The following TBC1D1 variants were observed in gnomAD, a reference collection of about 807,000 sequenced individuals.
The protein encoded by TBC1D1 is TBC1 domain family member 1, also known as TBC1 (tre-2/USP6, BUB2, cdc16) domain family, member 1.
Under a neutral mutation model 125.6 loss-of-function variants are expected in TBC1D1, and 89 were observed. The ratio of observed to expected loss-of-function variants is 0.71; its 90% CI spans 0.60 to 0.85. TBC1D1 has a LOEUF of 0.85. Among genes scored for constraint, TBC1D1 ranks in the 40% least tolerant of loss-of-function variants. The probability of loss-of-function intolerance (pLI) is 0.00; values close to 1 mark genes in which losing one functional copy is unlikely to be tolerated. For synonymous variants in TBC1D1, 565 were observed against 564.1 expected (o/e 1.00, Z -0.02); for missense variants, 1,377 against 1,469.2 (o/e 0.94, Z 1.03).
At chr4:37,903,490 C>T (rs1438768991) in intron 2 of TBC1D1, among the ~76,000 whole-genome samples, 1 of 152,172 alleles carries the variant, frequency 6.6e-6, no homozygotes, top group Admixed American at 6.5e-5. Context: ...GCCACATGTA[C>T]AGGGCGAGGA....
chr4:38,137,072 GCACTGGATCC>G, intron 19 of TBC1D1, 53 bp from the exon 22 acceptor site: 2 of 1,607,608 alleles, frequency 1.2e-6, no homozygotes, highest in Non-Finnish European at 1.7e-6. Flanking sequence ...CAGCGTGTGG[GCACTGGATCC>G]CACCTGTGTT....
intron 17 of TBC1D1, chr4:38,120,114 A>T (rs927097516): frequency 3.3e-5 from 33 of 985,356 alleles, no homozygotes; most frequent in Non-Finnish European, 4.0e-5. Context: ...TAAAGGTAAG[A>T]TATTTTTCTG....
chr4:38,122,765 A>G (rs1242579711), intron 17 of TBC1D1, among the ~76,000 whole-genome samples: 1 of 152,236 alleles, frequency 6.6e-6, no homozygotes, highest in African/African-American at 2.4e-5. Context: ...GAGTTCTCTT[A>G]AGGTGTTGTG....
intron 2 of TBC1D1, among the ~76,000 whole-genome samples, chr4:37,932,869 C>T (rs1723548662): frequency 6.6e-6 from 1 of 152,026 alleles, no homozygotes; most frequent in Non-Finnish European, 1.5e-5. Context: ...CCAGCCTGGC[C>T]AACATGGTGA....
At chr4:38,009,691 C>T (rs1467043641) in intron 2 of TBC1D1, among the ~76,000 whole-genome samples, 1 of 152,190 alleles carries the variant, frequency 6.6e-6, no homozygotes, top group Non-Finnish European at 1.5e-5. Context: ...TCATACATTA[C>T]TGTGCATTTG....
chr4:37,914,158 A>ATCCAG (rs1398625793), intron 2 of TBC1D1, among the ~76,000 whole-genome samples: 2 of 152,176 alleles, frequency 1.3e-5, no homozygotes, highest in Non-Finnish European at 2.9e-5. Flanking sequence ...CCAGTCTTAC[A>ATCCAG]GTGTTAACTA....
chr4:37,937,271 G>A (rs1724577895), intron 2 of TBC1D1, among the ~76,000 whole-genome samples: 1 of 152,260 alleles, frequency 6.6e-6, no homozygotes, highest in East Asian at 1.9e-4. Context: ...GCCAGAAAAC[G>A]GGAGAGAGTG....
chr4:37,945,810 T>C (rs1476579455), intron 2 of TBC1D1, among the ~76,000 whole-genome samples: 3 of 152,178 alleles, frequency 2.0e-5, no homozygotes, highest in African/African-American at 7.2e-5. Flanking sequence ...GGGATAAATT[T>C]TAAATCTTTT....
chr4:37,977,289 C>T lies in TBC1D1; in HGVS notation c.418-37220C>T, dbSNP rs1255395134. 3 of 149,792 alleles carry T rather than the reference C, an allele frequency of 2.0e-5. No homozygotes were observed. Among genetic ancestry groups the T allele is most frequent in the South Asian group, 1.9e-4 (1 of 5,390 alleles). The allele number at this position is 149,792 out of a possible 1,614,324, so 9.3% of individuals were successfully genotyped here. A position where few individuals can be genotyped will look rare whatever the true frequency, so the allele number is the denominator to read the frequency against. ...CCCCTCCCCGCGCTCTCCCCTCCCA[C>T]TTCCCTTTCTCTGCCTGGCCGCCCC... On this transcript the variant is annotated intron_variant, in intron 2 of 19. Transcript: ENST00000261439. The surrounding 1 kb of genome is among the most constrained non-coding windows in gnomAD (Gnocchi z 4.3).
At chr4:37,989,676 CTGCT>C (rs1465698162) in intron 2 of TBC1D1, among the ~76,000 whole-genome samples, 2 of 152,240 alleles carry the variant, frequency 1.3e-5, no homozygotes, top group Non-Finnish European at 2.9e-5. Flanking sequence ...CAAGAGCAAA[CTGCT>C]TTCTTTAGGC....
chr4:38,031,927 T>A (rs1231308419), intron 7 of TBC1D1, among the ~76,000 whole-genome samples: 1 of 152,270 alleles, frequency 6.6e-6, no homozygotes, highest in Non-Finnish European at 1.5e-5. Context: ...AATTGAAGTA[T>A]GACATGCATA....
At chr4:37,951,904 T>TG (rs1247933178) in intron 2 of TBC1D1, 1 of 701,556 alleles carries the variant, frequency 1.4e-6, no homozygotes, top group Non-Finnish European at 2.7e-6. Flanking sequence ...CAGGTGATAA[T>TG]GGGTATGTAC....
intron 8 of TBC1D1, among the ~76,000 whole-genome samples, chr4:38,039,292 T>C (rs2085153721): frequency 1.3e-5 from 2 of 151,628 alleles, no homozygotes; most frequent in Non-Finnish European, 2.9e-5. Flanking sequence ...TAATTGTTTA[T>C]ATTTTTAGTA....
chr4:38,091,178 A>G (rs1758360364), intron 13 of TBC1D1, among the ~76,000 whole-genome samples: 3 of 152,230 alleles, frequency 2.0e-5, no homozygotes, highest in South Asian at 4.1e-4. Context: ...GATAGTGTCT[A>G]TATCTTTTGA....
At chr4:37,914,880 C>T (rs1019523852) in intron 2 of TBC1D1, among the ~76,000 whole-genome samples, 3 of 152,244 alleles carry the variant, frequency 2.0e-5, no homozygotes, top group East Asian at 1.9e-4. Flanking sequence ...GCTCAAACCT[C>T]GCCCTCTGGC....
intron 1 of TBC1D1, among the ~76,000 whole-genome samples, chr4:37,892,417 T>TA (rs200334538): frequency 0.043 from 6,483 of 150,964 alleles, 183 homozygotes; most frequent in East Asian, 0.077. Flanking sequence ...TCCCATCTCT[T>TA]AAAAAAAAAG....
At position 38,054,347 on chromosome 4, in the gene TBC1D1, G is replaced by A. The variant is rs202216419; in HGVS notation, c.2050+9G>A. 1.4e-4 allele frequency: 221 copies of A among 1,613,800 alleles called. 2 individuals are homozygous for A. In the South Asian group the frequency reaches 2.1e-3, roughly 15 times the overall value. On this transcript the variant is annotated intron_variant, in intron 12 of 19. Transcript: ENST00000261439. ...TTCCAGCAGATATGAAGGTAAGGCC[G>A]GTACCTGAAATGAAACCTCAAAGAG... is the stretch of plus-strand genomic sequence containing the variant.
chr4:37,962,788 C>T (rs1397382211), intron 2 of TBC1D1, among the ~76,000 whole-genome samples: 2 of 152,002 alleles, frequency 1.3e-5, no homozygotes, highest in Non-Finnish European at 2.9e-5. Context: ...AATAAGAAGT[C>T]AAATTCTAAA....
At chr4:38,030,702 T>C (rs1578345002) in intron 7 of TBC1D1, among the ~76,000 whole-genome samples, 2 of 152,176 alleles carry the variant, frequency 1.3e-5, no homozygotes, top group Non-Finnish European at 2.9e-5. Flanking sequence ...CCTTATAAAA[T>C]AGAATGGTAA....
Sources: allele counts gnomAD v4.1 joint callset (sites outside exome capture counted in the v4.1 genomes callset), GRCh38; gene constraint gnomAD v4.1.1; non-coding constraint Gnocchi (gnomAD v3.1); transcripts MANE v1.5; gene names NCBI Gene and HGNC (gene_info 2026-07-23, HGNC 2026-07-21).